Variants in CALCRL observed in about 807,000 individuals in gnomAD.
CALCRL encodes the protein calcitonin receptor like receptor.
A neutral mutation model predicts 60.4 loss-of-function variants in CALCRL; 27 were observed. The observed-to-expected ratio is 0.45, with a 90% CI of 0.33 to 0.62. The LOEUF is 0.62. CALCRL is among the 20% of genes least tolerant of loss of function. The pLI, the probability that CALCRL is intolerant of heterozygous loss-of-function variation, is 0.03. For synonymous variants in CALCRL, 190 were observed against 182.6 expected (o/e 1.04, Z -0.33); for missense variants, 424 against 540.7 (o/e 0.78, Z 2.14).
At chr2:187,349,472 A>T (rs947070107) in intron 14 of CALCRL, among the ~76,000 whole-genome samples, 5 of 151,688 alleles carry the variant, frequency 3.3e-5, no homozygotes, top group Non-Finnish European at 5.9e-5. Context: ...TGAATTTGGC[A>T]GTTGTTTCTT....
intron 1 of CALCRL, among the ~76,000 whole-genome samples, chr2:187,400,541 A>G (rs2105822563): frequency 6.6e-6 from 1 of 151,570 alleles, no homozygotes; most frequent in African/African-American, 2.4e-5. Flanking sequence ...TATAAACTCG[A>G]GAAATAAAGA....
intron 1 of CALCRL, among the ~76,000 whole-genome samples, chr2:187,426,895 A>G (rs1260363804): frequency 1.3e-5 from 2 of 152,268 alleles, no homozygotes; most frequent in South Asian, 4.1e-4. Flanking sequence ...TTCATAATTC[A>G]TCTTAAACAA....
intron 8 of CALCRL, among the ~76,000 whole-genome samples, chr2:187,377,950 T>C (rs1420431966): frequency 6.6e-6 from 1 of 151,816 alleles, no homozygotes; most frequent in Non-Finnish European, 1.5e-5. Flanking sequence ...ATTATAGGTA[T>C]ATATATCTTC....
At chr2:187,383,003 T>G (rs1688042970) in intron 5 of CALCRL, among the ~76,000 whole-genome samples, 170 bp downstream of exon 5, 1 of 152,152 alleles carries the variant, frequency 6.6e-6, no homozygotes, top group African/African-American at 2.4e-5. Context: ...TAAAAAGCGA[T>G]ATAACATGAT....
intron 1 of CALCRL, among the ~76,000 whole-genome samples, chr2:187,423,709 A>G (rs1011889440): frequency 6.6e-6 from 1 of 152,026 alleles, no homozygotes; most frequent in Non-Finnish European, 1.5e-5. Flanking sequence ...GCATATCCAA[A>G]GGCTTGGGAA....
At chr2:187,425,123 T>C (rs928185067) in intron 1 of CALCRL, among the ~76,000 whole-genome samples, 6 of 151,958 alleles carry the variant, frequency 3.9e-5, no homozygotes, top group Non-Finnish European at 2.9e-5. Flanking sequence ...TTTTGGAATC[T>C]AATAAAATCT....
At chr2:187,372,174 T>TC (rs1687556664) in intron 8 of CALCRL, among the ~76,000 whole-genome samples, 1 of 152,002 alleles carries the variant, frequency 6.6e-6, no homozygotes, top group Non-Finnish European at 1.5e-5. Flanking sequence ...TTTTTTTTTT[T>TC]CCCTATAAAA....
intron 1 of CALCRL, among the ~76,000 whole-genome samples, chr2:187,403,154 A>C (rs2105828846): frequency 6.6e-6 from 1 of 152,012 alleles, no homozygotes; most frequent in Admixed American, 6.6e-5. Flanking sequence ...AATTTGTTAC[A>C]GAAGCCTTAA....
chr2:187,416,643 A>C (rs1243528708), intron 1 of CALCRL, among the ~76,000 whole-genome samples: 1 of 152,174 alleles, frequency 6.6e-6, no homozygotes, highest in Non-Finnish European at 1.5e-5. Flanking sequence ...AGATCAAGTT[A>C]CCAAGTGTAT....
intron 1 of CALCRL, among the ~76,000 whole-genome samples, chr2:187,424,802 G>T (rs1251980586): frequency 6.6e-6 from 1 of 151,790 alleles, no homozygotes; most frequent in African/African-American, 2.4e-5. Context: ...TACATAATTT[G>T]GGAAGAAGAA....
intron 1 of CALCRL, among the ~76,000 whole-genome samples, chr2:187,434,647 A>T (rs574582816): frequency 6.6e-6 from 1 of 152,346 alleles, no homozygotes; most frequent in East Asian, 1.9e-4. Flanking sequence ...AGATATGTTA[A>T]CAAAATGTTC....
At position 187,372,318 on chromosome 2, in the gene CALCRL, A is replaced by T. The variant is rs575408048; in HGVS notation, c.500+6622T>A. ...TTTGTAACTAATTCCAGTAGAGTTT[A>T]TTTTTTTTTTTTATCTAAAGGGTTC... On this transcript the variant is annotated intron_variant, in intron 8 of 14. Transcript: ENST00000392370. Among the ~76,000 whole-genome samples the T allele has an allele frequency of 1.1e-4, 17 of 147,882 alleles. No homozygotes were observed. The East Asian group carries it at 2.0e-3, about 17-fold the overall frequency.
intron 1 of CALCRL, among the ~76,000 whole-genome samples, chr2:187,436,416 C>G (rs767095990): frequency 2.6e-5 from 4 of 152,276 alleles, no homozygotes; most frequent in South Asian, 2.1e-4. Flanking sequence ...TCCTGAGAGA[C>G]TGAGACAGAT....
At chr2:187,418,818 A>G (rs1483209927) in intron 1 of CALCRL, among the ~76,000 whole-genome samples, 1 of 149,432 alleles carries the variant, frequency 6.7e-6, no homozygotes, top group Non-Finnish European at 1.5e-5. Flanking sequence ...CACCTTCTTC[A>G]TAATAATTTC....
chr2:187,445,457 T>A (rs1191506091), intron 1 of CALCRL, among the ~76,000 whole-genome samples: 2 of 151,674 alleles, frequency 1.3e-5, no homozygotes, highest in African/African-American at 4.8e-5. Flanking sequence ...AAGTTTTTGA[T>A]CCTTTAAAGA....
At chr2:187,348,653 TAGAA>T (rs1193201871) in intron 14 of CALCRL, among the ~76,000 whole-genome samples, 1 of 151,664 alleles carries the variant, frequency 6.6e-6, no homozygotes, top group Non-Finnish European at 1.5e-5. Context: ...AGAAAAACCA[TAGAA>T]AGCCAATTTC....
At chr2:187,363,168 T>C (rs1417097503) in intron 9 of CALCRL, among the ~76,000 whole-genome samples, 1 of 152,180 alleles carries the variant, frequency 6.6e-6, no homozygotes, top group Non-Finnish European at 1.5e-5. Context: ...GGGAATACTC[T>C]GTAGAGTATA....
intron 1 of CALCRL, among the ~76,000 whole-genome samples, chr2:187,444,662 A>C (rs1174598459): frequency 6.6e-6 from 1 of 151,544 alleles, no homozygotes; most frequent in Non-Finnish European, 1.5e-5. Context: ...GTAACCTAGG[A>C]AACATAGACC....
At chr2:187,358,140 C>G (rs1686879562) in intron 12 of CALCRL, among the ~76,000 whole-genome samples, 2 of 151,936 alleles carry the variant, frequency 1.3e-5, no homozygotes, top group Admixed American at 1.3e-4. Context: ...CACTGCAGCC[C>G]AAGAGTTCAA....
Sources: gnomAD v4.1 joint callset for allele counts (sites outside exome capture counted in the v4.1 genomes callset) on GRCh38, gnomAD v4.1.1 for gene constraint, MANE v1.5 for transcripts, NCBI Gene and HGNC (gene_info 2026-07-23, HGNC 2026-07-21) for gene names.